Variants in SDHA observed in about 807,000 individuals in gnomAD.
The protein encoded by SDHA is succinate dehydrogenase [ubiquinone] flavoprotein subunit, mitochondrial.
In SDHA, 48 loss-of-function variants were observed where a neutral mutation model predicts 78.4. The observed-to-expected ratio is 0.61, with a 90% CI of 0.49 to 0.78. SDHA has a LOEUF of 0.78. Ranked by LOEUF, SDHA falls within the 30% of genes least tolerant of loss-of-function variation. SDHA has a pLI of 0.00. For synonymous variants in SDHA, 326 were observed against 353.9 expected, an observed-to-expected ratio of 0.92 and a Z score of 0.88; for missense variants, 680 against 892.7, an observed-to-expected ratio of 0.76 and a Z score of 3.04.
chr5:246,972 T>TAATC (rs55840121), intron 11 of SDHA, among the ~76,000 whole-genome samples: 36,483 of 152,020 alleles, frequency 0.24, 6,770 homozygotes, highest in African/African-American at 0.52. Flanking sequence ...GTATTCTTGA[T>TAATC]ATTTTCCTAA....
At chr5:262,220 CCGACAGAGCATTA>C in the SDHA span, among the ~76,000 whole-genome samples, 2 of 126,534 alleles carry the variant, frequency 1.6e-5, no homozygotes, top group East Asian at 2.1e-4. Context: ...GCTCCGCCTC[CCGACAGAGCATTA>C]CCGTGTGAGC....
the SDHA span, among the ~76,000 whole-genome samples, chr5:263,421 C>T: frequency 6.6e-6 from 1 of 152,126 alleles, no homozygotes; most frequent in Admixed American, 6.6e-5. Context: ...TTGAATAAAT[C>T]TGAAAGTCAC....
At chr5:235,957 C>T (rs1205740588) in intron 9 of SDHA, 1 of 246,614 alleles carries the variant, frequency 4.1e-6, no homozygotes, top group Non-Finnish European at 8.0e-6. Context: ...GGGATACCTT[C>T]GGAAGCTTCC....
intron 1 of SDHA, among the ~76,000 whole-genome samples, chr5:220,702 C>CT (rs55865500): frequency 0.24 from 36,520 of 152,034 alleles, 6,846 homozygotes; most frequent in African/African-American, 0.52. Flanking sequence ...CCTCTCTGAG[C>CT]TCCGTCTTTC....
chr5:229,959 T>G (rs1433805491), intron 6 of SDHA, among the ~76,000 whole-genome samples: 1 of 147,872 alleles, frequency 6.8e-6, no homozygotes, highest in Non-Finnish European at 1.5e-5. Context: ...ATGGTGGCTA[T>G]CGTTAATATT....
At chr5:264,494 G>A in the SDHA span, among the ~76,000 whole-genome samples, 6 of 151,172 alleles carry the variant, frequency 4.0e-5, no homozygotes, top group Admixed American at 6.6e-5. Context: ...ACCAGCCCAC[G>A]CTCCACAGGG....
intron 8 of SDHA, chr5:234,009 T>G: frequency 3.2e-6 from 1 of 313,938 alleles, no homozygotes; most frequent in Non-Finnish European, 6.1e-6. Context: ...GTTATTTGGC[T>G]TTCAGTAAAA....
chr5:227,711 C>T (rs913154105), intron 5 of SDHA: 4 of 231,460 alleles, frequency 1.7e-5, no homozygotes, highest in African/African-American at 4.7e-5. Flanking sequence ...TGCAACCGTC[C>T]GCTTTGGTAG....
chr5:229,062 G>A (rs1398088688), intron 6 of SDHA, among the ~76,000 whole-genome samples: 2 of 152,154 alleles, frequency 1.3e-5, no homozygotes, highest in African/African-American at 2.4e-5. Flanking sequence ...AAACCCCAAT[G>A]AGATATCATC....
downstream of SDHA, among the ~76,000 whole-genome samples, chr5:257,539 A>T (rs1228371744): frequency 7.5e-6 from 1 of 134,002 alleles, no homozygotes; most frequent in Non-Finnish European, 1.6e-5. Flanking sequence ...TTACTGTGTG[A>T]GCTCCGCGCC....
At chr5:253,213 C>A (rs1357397613) in intron 13 of SDHA, 1 of 152,188 alleles carries the variant, frequency 6.6e-6, no homozygotes, top group East Asian at 1.9e-4. Context: ...TGGTTCAGGA[C>A]CGTGTGTAGG....
chr5:261,663 G>T (rs2126657627), downstream of SDHA, among the ~76,000 whole-genome samples: 1 of 86,108 alleles, frequency 1.2e-5, no homozygotes. Flanking sequence ...ATTACCGTGT[G>T]AGCTCCGCCT....
chr5:244,180 G>A (rs1326143804), intron 11 of SDHA, among the ~76,000 whole-genome samples: 3 of 151,702 alleles, frequency 2.0e-5, no homozygotes, highest in East Asian at 2.0e-4. Context: ...TCTGTTCCCC[G>A]CCACAGCCGG....
At chr5:228,899 C>T (rs1735211711) in intron 6 of SDHA, among the ~76,000 whole-genome samples, 1 of 151,630 alleles carries the variant, frequency 6.6e-6, no homozygotes, top group African/African-American at 2.4e-5. Context: ...AAAAACCCTA[C>T]TAAAAACAAC....
At chr5:257,771 C>T (rs570685020), downstream of SDHA, among the ~76,000 whole-genome samples, 5 of 92,884 alleles carry the variant, frequency 5.4e-5, no homozygotes, top group East Asian at 3.0e-4. Context: ...TCCGCCCCTG[C>T]CAGAGCATTA....
At position 251,123 on chromosome 5, in the gene SDHA, T is replaced by C. The variant is rs1226482893; in HGVS notation, c.1663+20T>C. 1.3e-6 allele frequency: 2 copies of C among 1,595,816 alleles called. No homozygotes were observed. The highest frequency in any genetic ancestry group is 1.7e-5 in the Admixed American group (1 of 60,008). On this transcript the variant is annotated intron_variant, in intron 12 of 14. Coordinates refer to ENST00000264932, the MANE Select transcript of SDHA (RefSeq NM_004168.4). ...ACCGGGGTGAGCAGACAGTGGGCTCTGTGCACACTGTTGGGCCCTTCCTTC... is the reference window on the plus strand; with the variant it reads ...ACCGGGGTGAGCAGACAGTGGGCTCCGTGCACACTGTTGGGCCCTTCCTTC...
chr5:254,760 C>T (rs1443446404), intron 14 of SDHA, among the ~76,000 whole-genome samples: 1 of 152,092 alleles, frequency 6.6e-6, no homozygotes, highest in Non-Finnish European at 1.5e-5. Context: ...AGATGGACGT[C>T]ACTGGGCAGG....
Position 256,430 on chromosome 5 carries a change from A to T in SDHA, c.*10A>T, listed in dbSNP as rs1674541296. ...CATTCGCTCCTACTGATGAGACAAG[A>T]TGTGGTGATGACAGAATCAGCTTTT... On this transcript the variant is annotated 3_prime_UTR_variant, in exon 15 of 15. Transcript: ENST00000264932. 2 of 1,600,040 alleles carry T rather than the reference A, an allele frequency of 1.2e-6. No individual in the cohort carries two copies. The highest frequency in any genetic ancestry group is 1.3e-5 in the African/African-American group (1 of 74,384).
chr5:227,074 A>C (rs979615103), intron 5 of SDHA, among the ~76,000 whole-genome samples: 7 of 152,054 alleles, frequency 4.6e-5, no homozygotes, highest in African/African-American at 1.7e-4. Flanking sequence ...GCAGTAGCAC[A>C]ATCTCAGCTC....
Sources: allele counts gnomAD v4.1 joint callset (sites outside exome capture counted in the v4.1 genomes callset), GRCh38; gene constraint gnomAD v4.1.1; transcripts MANE v1.5; gene names NCBI Gene and HGNC (gene_info 2026-07-23, HGNC 2026-07-21).